The following SND1 variants were observed in gnomAD, a reference collection of about 807,000 sequenced individuals.
SND1 encodes staphylococcal nuclease and tudor domain containing 1.
Under a neutral mutation model 121.7 loss-of-function variants are expected in SND1, and 38 were observed. That is an observed-to-expected ratio of 0.31 (90% confidence interval 0.24 to 0.41). The LOEUF (loss-of-function observed/expected upper bound fraction) is 0.41. Among genes scored for constraint, SND1 ranks in the 10% least tolerant of loss-of-function variants. The probability of loss-of-function intolerance (pLI) is 1.00; values close to 1 mark genes in which losing one functional copy is unlikely to be tolerated. For synonymous variants in SND1, 401 were observed against 447.4 expected (o/e 0.90, Z 1.31); for missense variants, 868 against 1,184.6 (o/e 0.73, Z 3.92).
intron 10 of SND1, among the ~76,000 whole-genome samples, chr7:127,745,511 T>C (rs1796966397): frequency 6.6e-6 from 1 of 152,308 alleles, no homozygotes; most frequent in Middle Eastern, 3.4e-3. Context: ...TTGCTGTTTT[T>C]TATTTTCAGA....
At chr7:128,017,423 T>A (rs909247986) in intron 16 of SND1, among the ~76,000 whole-genome samples, 1 of 152,234 alleles carries the variant, frequency 6.6e-6, no homozygotes, top group African/African-American at 2.4e-5. Context: ...GATGTTTTCC[T>A]GTTGTCCCAG....
At chr7:127,948,851 G>A (rs1801393983) in intron 15 of SND1, among the ~76,000 whole-genome samples, 1 of 152,216 alleles carries the variant, frequency 6.6e-6, no homozygotes. Flanking sequence ...TAGGATTATA[G>A]ATTCATGGTG....
intron 12 of SND1, among the ~76,000 whole-genome samples, chr7:127,877,606 T>C (rs1799715129): frequency 6.6e-6 from 1 of 152,098 alleles, no homozygotes; most frequent in East Asian, 1.9e-4. Flanking sequence ...TTCTTATTTA[T>C]TTATTTATAA....
chr7:127,867,914 T>C (rs201852835), intron 12 of SND1, among the ~76,000 whole-genome samples: 2 of 140,376 alleles, frequency 1.4e-5, no homozygotes, highest in Admixed American at 1.4e-4. Context: ...AAAAAAAAAA[T>C]TAAATGCATT....
intron 11 of SND1, among the ~76,000 whole-genome samples, chr7:127,826,607 G>A (rs1387262443): frequency 1.3e-5 from 2 of 152,020 alleles, no homozygotes; most frequent in African/African-American, 2.4e-5. Flanking sequence ...AAAAGTCAAC[G>A]TTTTTTGTTT....
chr7:127,910,168 G>A (rs1360689642), intron 14 of SND1, among the ~76,000 whole-genome samples: 24 of 152,116 alleles, frequency 1.6e-4, no homozygotes. Flanking sequence ...GCCCAGGCAC[G>A]GTGGCTCACG....
At chr7:127,902,723 C>CTT (rs79618589) in intron 13 of SND1, among the ~76,000 whole-genome samples, 43 of 148,376 alleles carry the variant, frequency 2.9e-4, no homozygotes, top group East Asian at 1.8e-3. Context: ...ATTTCTTTTA[C>CTT]TTTTTTTTTT....
intron 16 of SND1, chr7:128,028,857 G>GC: frequency 6.2e-7 from 1 of 1,614,164 alleles, no homozygotes; most frequent in Non-Finnish European, 8.5e-7. Flanking sequence ...CAGCACTACT[G>GC]CCCCCTCACC....
At chr7:128,086,891 A>AG in intron 20 of SND1, 47 bp from the exon 21 acceptor site, 1 of 1,459,622 alleles carries the variant, frequency 6.9e-7, no homozygotes, top group East Asian at 2.3e-5. Flanking sequence ...TGAGAGAGCA[A>AG]GGGGGCAGCG....
rs555863231 is a variant in SND1, at chr7:127,980,279, A to AT, written c.1670-10654dup. ...AGGCGCCCGCCACTACGCCCGGCTA[A>AT]TTTTTTTTTTTTTTGTATTTTTAGT... On this transcript the variant is annotated intron_variant, in intron 15 of 23. Transcript: ENST00000354725. 4.5e-3 allele frequency among the ~76,000 whole-genome samples: 222 copies of AT among 49,700 alleles called. 67 individuals are homozygous for AT. Among genetic ancestry groups the AT allele is most frequent in the Middle Eastern group, 0.043 (4 of 92 alleles). The allele number at this position is 49,700 out of a possible 152,430, so 32.6% of individuals were successfully genotyped here.
At chr7:127,868,384 A>G (rs1799517860) in intron 12 of SND1, among the ~76,000 whole-genome samples, 1 of 152,214 alleles carries the variant, frequency 6.6e-6, no homozygotes, top group Non-Finnish European at 1.5e-5. Flanking sequence ...GACACTGCCA[A>G]CAACAACAAA....
chr7:128,092,225 A>C lies in SND1; in HGVS notation c.*167A>C, dbSNP rs1793794363. 1 of 669,908 alleles carries C rather than the reference A, an allele frequency of 1.5e-6. No homozygotes were observed. 41.5% of individuals were successfully genotyped at this position (669,908 alleles called of 1,614,324 possible). A position where few individuals can be genotyped will look rare whatever the true frequency, so the allele number is the denominator to read the frequency against. On this transcript the variant is annotated 3_prime_UTR_variant, in exon 24 of 24. Transcript: ENST00000354725. This position sits in a 1 kb window ranked among gnomAD's most constrained non-coding sequence, Gnocchi z 4.9. ...GTGGCATCGGGGCTGCGGGGTGGGG[A>C]CCCCAAGGCTTTCTGGGGCAGACCC...
chr7:127,705,105 T>C (rs957757024), intron 8 of SND1, among the ~76,000 whole-genome samples, 160 bp downstream of exon 8: 13 of 152,214 alleles, frequency 8.5e-5, no homozygotes, highest in African/African-American at 3.1e-4. Flanking sequence ...AATATTGGTC[T>C]TCAGGTTCAG....
At chr7:127,901,305 A>G (rs967424608) in intron 13 of SND1, among the ~76,000 whole-genome samples, 1 of 152,134 alleles carries the variant, frequency 6.6e-6, no homozygotes, top group African/African-American at 2.4e-5. Flanking sequence ...CCCTTTGCAG[A>G]TAGTGGTGGC....
chr7:128,033,276 C>A (rs577963146), intron 16 of SND1, among the ~76,000 whole-genome samples: 18 of 152,262 alleles, frequency 1.2e-4, no homozygotes, highest in Non-Finnish European at 2.1e-4. Flanking sequence ...TTCCCACCCC[C>A]CTGAAAAAAG....
chr7:127,701,072 G>T, intron 4 of SND1, 91 bp from the exon 5 acceptor site: 1 of 1,362,912 alleles, frequency 7.3e-7, no homozygotes, highest in South Asian at 1.3e-5. Flanking sequence ...GTCTTCAAGG[G>T]GTGAAGATGC....
chr7:127,854,678 G>A (rs1799238771), intron 12 of SND1, among the ~76,000 whole-genome samples: 2 of 151,834 alleles, frequency 1.3e-5, no homozygotes, highest in Non-Finnish European at 2.9e-5. Context: ...TGTCATTGAT[G>A]TGATAAGGAG....
chr7:128,014,369 G>T (rs1307124552), intron 16 of SND1, among the ~76,000 whole-genome samples: 1 of 128,882 alleles, frequency 7.8e-6, no homozygotes, highest in Non-Finnish European at 1.7e-5. Context: ...AGATTGCAAG[G>T]TATTTGATAT....
intron 13 of SND1, among the ~76,000 whole-genome samples, chr7:127,896,066 G>A (rs554671304): frequency 1.3e-5 from 2 of 152,032 alleles, no homozygotes; most frequent in East Asian, 1.9e-4. Context: ...GTCCTCCTTG[G>A]CTCTGTTCTG....
Sources: allele counts gnomAD v4.1 joint callset (sites outside exome capture counted in the v4.1 genomes callset), GRCh38; gene constraint gnomAD v4.1.1; non-coding constraint Gnocchi (gnomAD v3.1); transcripts MANE v1.5; gene names NCBI Gene and HGNC (gene_info 2026-07-23, HGNC 2026-07-21).